The following VAV1 variants were observed in gnomAD, a reference collection of about 807,000 sequenced individuals.
VAV1 encodes vav guanine nucleotide exchange factor 1.
A neutral mutation model predicts 128.1 loss-of-function variants in VAV1; 33 were observed. That is an observed-to-expected ratio of 0.26 (90% confidence interval 0.20 to 0.34). The LOEUF (loss-of-function observed/expected upper bound fraction) is 0.34. VAV1 is among the 10% of genes least tolerant of loss of function. The pLI, the probability that VAV1 is intolerant of heterozygous loss-of-function variation, is 1.00. For missense variants in VAV1, 715 were observed against 1,093.7 expected, an observed-to-expected ratio of 0.65 and a Z score of 4.88; for synonymous variants, 394 against 409.8, an observed-to-expected ratio of 0.96 and a Z score of 0.47.
chr19:6,826,743 C>A lies in VAV1; in HGVS notation c.927+32C>A. ...GCCGGGCCACTTCTCGGGGGCCTCT[C>A]CCGCTCCTCCCCAGGCCCTGGGGGC... On this transcript the variant is annotated intron_variant, in intron 9 of 26. Coordinates refer to ENST00000602142, the MANE Select transcript of VAV1 (RefSeq NM_005428.4). The surrounding 1 kb of genome is among the most constrained non-coding windows in gnomAD (Gnocchi z 4.1). 1 of 1,500,548 alleles carries A rather than the reference C, an allele frequency of 6.7e-7. No homozygotes were observed. The highest frequency in any genetic ancestry group is 9.0e-7 in the Non-Finnish European group (1 of 1,113,218). The allele number at this position is 1,500,548 out of a possible 1,614,324, so 93.0% of individuals were successfully genotyped here. A position where few individuals can be genotyped will look rare whatever the true frequency, so the allele number is the denominator to read the frequency against.
Position 6,772,798 on chromosome 19 carries a change from G to A in VAV1, c.-10G>A. 6.2e-7 allele frequency: 1 copy of A among 1,611,790 alleles called. No homozygotes were observed. Among genetic ancestry groups the A allele is most frequent in the South Asian group, 1.1e-5 (1 of 90,914 alleles). Reference sequence around the variant, plus strand: ...GAGGGTGCACGGCCGGCCCTGGGCAGGCGGTAGCCATGGAGCTGTGGCGCC... The same window carrying A: ...GAGGGTGCACGGCCGGCCCTGGGCAAGCGGTAGCCATGGAGCTGTGGCGCC... On this transcript the variant is annotated 5_prime_UTR_variant, in exon 1 of 27. Transcript: ENST00000602142. This position sits in a 1 kb window ranked among gnomAD's most constrained non-coding sequence, Gnocchi z 4.8.
intron 21 of VAV1, among the ~76,000 whole-genome samples, chr19:6,838,612 C>T (rs560557618): frequency 2.6e-5 from 4 of 152,100 alleles, no homozygotes; most frequent in Non-Finnish European, 5.9e-5. Flanking sequence ...TATTTATTAT[C>T]ATTTCTCTCT....
intron 1 of VAV1, among the ~76,000 whole-genome samples, chr19:6,774,427 CTTTTTTT>C (rs1002823385): frequency 1.1e-5 from 1 of 91,566 alleles, no homozygotes; most frequent in Non-Finnish European, 2.0e-5. Context: ...CGCGCCCAGC[CTTTTTTT>C]TTTTTTTTTT....
At chr19:6,784,344 TG>T in intron 1 of VAV1, 1 of 446,928 alleles carries the variant, frequency 2.2e-6, no homozygotes, top group Non-Finnish European at 4.0e-6. Context: ...GGAATTCAGC[TG>T]GGGATGAGGG....
intron 1 of VAV1, among the ~76,000 whole-genome samples, chr19:6,791,491 A>G (rs899938859): frequency 6.6e-6 from 1 of 152,230 alleles, no homozygotes; most frequent in African/African-American, 2.4e-5. Context: ...CCTCGTCTCA[A>G]GGTCCTTGAG....
rs1970667154 is a variant in VAV1 at position 6,777,268 on chromosome 19, TCCA to T, written c.204+4258_204+4260del. Reference sequence around the variant, plus strand: ...ATCCATCCATCCATCCATCCATCCATCCATCCATCCATCCATCCAGCAATGACA... The same window carrying T: ...ATCCATCCATCCATCCATCCATCCATTCCATCCATCCATCCAGCAATGACA... On this transcript the variant is annotated intron_variant, in intron 1 of 26. Coordinates refer to ENST00000602142, the MANE Select transcript of VAV1 (RefSeq NM_005428.4). This position sits in a 1 kb window ranked among gnomAD's most constrained non-coding sequence, Gnocchi z 4.4. 6.6e-6 allele frequency among the ~76,000 whole-genome samples: 1 copy of T among 151,658 alleles called. No individual in the cohort carries two copies. Among genetic ancestry groups the T allele is most frequent in the Non-Finnish European group, 1.5e-5 (1 of 67,896 alleles).
At chr19:6,819,969 A>G (rs1174035677) in intron 1 of VAV1, among the ~76,000 whole-genome samples, 2 of 152,210 alleles carry the variant, frequency 1.3e-5, no homozygotes, top group Non-Finnish European at 2.9e-5. Flanking sequence ...GGCCATGGCA[A>G]CCAAATCTAA....
In VAV1 at chr19:6,857,327, A is replaced by G. The variant is rs1215397777; in HGVS notation, c.*220A>G. On this transcript the variant is annotated 3_prime_UTR_variant, in exon 27 of 27. Coordinates refer to ENST00000602142, the MANE Select transcript of VAV1 (RefSeq NM_005428.4). ...GGGTCCCCTCAAGCAGACGGGGCTC[A>G]AGGGGGTTACATTTAATAAAAGGAT... The G allele has an allele frequency of 1.4e-5, 8 of 578,308 alleles. No individual in the cohort carries two copies. The East Asian group carries it at 2.4e-4, about 17-fold the overall frequency. The allele number at this position is 578,308 out of a possible 1,614,324, so 35.8% of individuals were successfully genotyped here.
intron 23 of VAV1, among the ~76,000 whole-genome samples, chr19:6,849,940 G>A (rs1167474706): frequency 6.6e-6 from 1 of 151,898 alleles, no homozygotes; most frequent in Non-Finnish European, 1.5e-5. Context: ...TTTTTCCTTT[G>A]GGTAGATACC....
intron 1 of VAV1, among the ~76,000 whole-genome samples, chr19:6,794,876 AC>A (rs1375902348): frequency 6.6e-6 from 1 of 152,098 alleles, no homozygotes; most frequent in East Asian, 1.9e-4. Flanking sequence ...AGAAACTTTG[AC>A]TTTCTGGGAA....
At position 6,836,582 on chromosome 19, in the gene VAV1, C is replaced by A; in HGVS notation, c.1914+14C>A. The A allele has an allele frequency of 6.2e-7, 1 of 1,613,328 alleles. No homozygotes were observed. The highest frequency in any genetic ancestry group is 8.5e-7 in the Non-Finnish European group (1 of 1,179,602). On this transcript the variant is annotated intron_variant, in intron 20 of 26. Coordinates refer to ENST00000602142, the MANE Select transcript of VAV1 (RefSeq NM_005428.4). ...AACTGGTGGGAGGTACAGGCTGGGG[C>A]CACAAGAGTGATGGGGTGGGACCCA...
At chr19:6,785,718 GGC>G (rs1244090629) in intron 1 of VAV1, among the ~76,000 whole-genome samples, 43 of 148,512 alleles carry the variant, frequency 2.9e-4, no homozygotes, top group African/African-American at 9.5e-4. Context: ...GGAGTGCAGT[GGC>G]ACGATCTCAG....
intron 21 of VAV1, among the ~76,000 whole-genome samples, chr19:6,841,710 G>A (rs956180236): frequency 6.6e-6 from 1 of 151,532 alleles, no homozygotes; most frequent in East Asian, 2.0e-4. Flanking sequence ...TCCTGACCTC[G>A]TGATCCGCCT....
intron 1 of VAV1, among the ~76,000 whole-genome samples, chr19:6,814,995 C>T (rs555547901): frequency 1.4e-4 from 21 of 151,826 alleles, no homozygotes; most frequent in African/African-American, 3.9e-4. Context: ...GAGTTGCTAC[C>T]GCATCTTTCA....
chr19:6,810,343 A>G (rs1971488952), intron 1 of VAV1, among the ~76,000 whole-genome samples: 1 of 152,160 alleles, frequency 6.6e-6, no homozygotes, highest in Admixed American at 6.5e-5. Context: ...AGAAATAAAA[A>G]TAAAAATAAA....
intron 22 of VAV1, among the ~76,000 whole-genome samples, chr19:6,843,410 A>G (rs926198235): frequency 1.3e-5 from 2 of 152,114 alleles, no homozygotes; most frequent in Admixed American, 6.6e-5. Context: ...GATGATGACA[A>G]TGATGATGAT....
chr19:6,810,636 C>T (rs901659810), intron 1 of VAV1, among the ~76,000 whole-genome samples: 2 of 151,776 alleles, frequency 1.3e-5, no homozygotes, highest in Non-Finnish European at 2.9e-5. Flanking sequence ...ACCCAGGAGG[C>T]GGAGGTTGCA....
chr19:6,786,055 C>T (rs1599620953), intron 1 of VAV1, among the ~76,000 whole-genome samples: 1 of 152,044 alleles, frequency 6.6e-6, no homozygotes, highest in South Asian at 2.1e-4. Context: ...TTTTATTTTT[C>T]TCCATAGCAC....
intron 1 of VAV1, among the ~76,000 whole-genome samples, chr19:6,793,723 C>T (rs186780103): frequency 2.9e-3 from 447 of 152,118 alleles, no homozygotes; most frequent in Middle Eastern, 3.4e-3. Flanking sequence ...GAGACATTCC[C>T]GGGAGTGGGG....
Sources: gnomAD v4.1 joint callset for allele counts (sites outside exome capture counted in the v4.1 genomes callset) on GRCh38, gnomAD v4.1.1 for gene constraint, Gnocchi (gnomAD v3.1) non-coding constraint, MANE v1.5 for transcripts, NCBI Gene and HGNC (gene_info 2026-07-23, HGNC 2026-07-21) for gene names.